The following CNTN4 variants were observed in gnomAD, a reference collection of about 807,000 sequenced individuals.
CNTN4 encodes the protein contactin 4, also known as contactin-4.
A neutral mutation model predicts 122.5 loss-of-function variants in CNTN4; 77 were observed. The ratio of observed to expected loss-of-function variants is 0.63; its 90% CI spans 0.52 to 0.76. The LOEUF (loss-of-function observed/expected upper bound fraction) is 0.76, where lower values mean the gene tolerates loss of function less well. Among genes scored for constraint, CNTN4 ranks in the 30% least tolerant of loss-of-function variants. CNTN4 has a pLI of 0.00. For missense variants in CNTN4, 1,256 were observed against 1,259.1 expected, an observed-to-expected ratio of 1.00 and a Z score of 0.04; for synonymous variants, 512 against 447.0, an observed-to-expected ratio of 1.15 and a Z score of -1.83.
intron 7 of CNTN4, among the ~76,000 whole-genome samples, chr3:2,829,430 C>G (rs549051904): frequency 1.3e-5 from 2 of 152,290 alleles, no homozygotes; most frequent in Admixed American, 6.5e-5. Flanking sequence ...CTCCACTTCT[C>G]TCATCCATGA....
At chr3:2,299,673 A>G (rs2042434648) in intron 2 of CNTN4, among the ~76,000 whole-genome samples, 1 of 152,178 alleles carries the variant, frequency 6.6e-6, no homozygotes, top group African/African-American at 2.4e-5. Flanking sequence ...CAGTAGATGT[A>G]GAAATTTAAC....
At chr3:2,906,844 CA>C (rs11287897) in intron 12 of CNTN4, among the ~76,000 whole-genome samples, 79,794 of 122,214 alleles carry the variant, frequency 0.65, 23,099 homozygotes, top group Middle Eastern at 0.68. Context: ...AACTCCTTCT[CA>C]AAAAAAAAAA....
At chr3:2,969,450 G>C (rs540271221) in intron 13 of CNTN4, among the ~76,000 whole-genome samples, 101 of 152,230 alleles carry the variant, frequency 6.6e-4, no homozygotes, top group Admixed American at 2.0e-3. Flanking sequence ...CCAGAGAATG[G>C]TGTTACAGCC....
chr3:2,120,405 A>ATATATATTT (rs1428527983), intron 2 of CNTN4, among the ~76,000 whole-genome samples: 4 of 40,870 alleles, frequency 9.8e-5, no homozygotes, highest in Non-Finnish European at 1.7e-4. Flanking sequence ...ATATATATAT[A>ATATATATTT]TTTTTTTTTT....
At chr3:2,559,584 G>T (rs920341394) in intron 3 of CNTN4, among the ~76,000 whole-genome samples, 4 of 151,864 alleles carry the variant, frequency 2.6e-5, no homozygotes, top group Non-Finnish European at 5.9e-5. Context: ...AAAAGAAAAA[G>T]GTTGTCATTT....
intron 7 of CNTN4, among the ~76,000 whole-genome samples, chr3:2,853,863 T>C (rs4629319): frequency 0.46 from 69,240 of 151,798 alleles, 15,954 homozygotes; most frequent in East Asian, 0.64. Context: ...GTATGATTGG[T>C]CTCCTGTGAC....
chr3:2,722,230 A>C (rs1350372854), intron 4 of CNTN4, among the ~76,000 whole-genome samples: 3 of 152,228 alleles, frequency 2.0e-5, no homozygotes, highest in African/African-American at 4.8e-5. Context: ...CAAGCTATGT[A>C]AATTACTTAA....
intron 2 of CNTN4, among the ~76,000 whole-genome samples, chr3:2,177,442 CCT>C (rs2036799437): frequency 1.3e-5 from 2 of 152,054 alleles, no homozygotes. Context: ...TGTTTTTGCT[CCT>C]CTGCTCACCA....
At chr3:3,027,491 T>A (rs780936204) in intron 15 of CNTN4, among the ~76,000 whole-genome samples, 16 of 152,126 alleles carry the variant, frequency 1.1e-4, no homozygotes, top group Non-Finnish European at 1.6e-4. Flanking sequence ...CACAAAGACA[T>A]TGGAGATATT....
At chr3:2,456,172 T>A (rs146420116) in intron 3 of CNTN4, among the ~76,000 whole-genome samples, 3 of 152,134 alleles carry the variant, frequency 2.0e-5, no homozygotes, top group African/African-American at 7.2e-5. Flanking sequence ...AATCTCATGA[T>A]CTTTTACCAT....
At chr3:2,880,132 G>A (rs1047230457) in intron 8 of CNTN4, among the ~76,000 whole-genome samples, 5 of 152,174 alleles carry the variant, frequency 3.3e-5, no homozygotes, top group Admixed American at 6.5e-5. Context: ...AAACAAGGTT[G>A]TGTGACATAT....
chr3:2,607,801 T>C (rs1189912169), intron 4 of CNTN4, among the ~76,000 whole-genome samples: 1 of 152,206 alleles, frequency 6.6e-6, no homozygotes, highest in Non-Finnish European at 1.5e-5. Flanking sequence ...TACAATGTTC[T>C]TACCTATTAT....
At position 2,730,227 on chromosome 3, in the gene CNTN4, T is replaced by C. The variant is rs572022657; in HGVS notation, c.56-5988T>C. On this transcript the variant is annotated intron_variant, in intron 4 of 24. Transcript: ENST00000418658. The stretch of plus-strand genomic sequence containing the variant: ...ACATGAAAATCATTAATGTTTCATA[T>C]ATACCTTATACCTATAGCCTGAAGG... Among the ~76,000 whole-genome samples, 8 of 152,372 alleles carry C rather than the reference T, an allele frequency of 5.3e-5. No homozygotes were observed. In the East Asian group the frequency reaches 9.6e-4, roughly 18 times the overall value.
chr3:2,883,659 T>C (rs563168837), intron 9 of CNTN4, among the ~76,000 whole-genome samples: 1 of 152,350 alleles, frequency 6.6e-6, no homozygotes, highest in South Asian at 2.1e-4. Flanking sequence ...CAGACTTTTC[T>C]TGAATTTCTT....
chr3:2,822,077 G>C (rs1158402202), intron 7 of CNTN4, among the ~76,000 whole-genome samples: 2 of 152,184 alleles, frequency 1.3e-5, no homozygotes, highest in African/African-American at 2.4e-5. Flanking sequence ...TCTATGTCTG[G>C]ATCAGGGACA....
chr3:2,875,311 C>T (rs950874573), intron 8 of CNTN4, among the ~76,000 whole-genome samples: 1 of 152,100 alleles, frequency 6.6e-6, no homozygotes, highest in Non-Finnish European at 1.5e-5. Context: ...ATCACATTAT[C>T]TAATTAGTTG....
chr3:2,474,924 ACT>A (rs1196741412), intron 3 of CNTN4, among the ~76,000 whole-genome samples: 5 of 151,692 alleles, frequency 3.3e-5, no homozygotes, highest in East Asian at 1.9e-4. Context: ...TTACTTAGAA[ACT>A]CTCTGATTAC....
intron 2 of CNTN4, among the ~76,000 whole-genome samples, chr3:2,281,656 T>G (rs903526847): frequency 3.3e-5 from 5 of 152,138 alleles, no homozygotes; most frequent in Admixed American, 1.3e-4. Flanking sequence ...TATAGTAGTA[T>G]TTCACATATC....
chr3:2,355,126 C>A (rs1012782046), intron 3 of CNTN4, among the ~76,000 whole-genome samples: 3 of 152,144 alleles, frequency 2.0e-5, no homozygotes, highest in African/African-American at 4.8e-5. Context: ...TTGAATTATG[C>A]GCAGTATGCC....
Sources: allele counts gnomAD v4.1 joint callset (sites outside exome capture counted in the v4.1 genomes callset), GRCh38; gene constraint gnomAD v4.1.1; transcripts MANE v1.5; gene names NCBI Gene and HGNC (gene_info 2026-07-23, HGNC 2026-07-21).